The following RIF1 variants were observed in gnomAD, a reference collection of about 807,000 sequenced individuals.
The protein encoded by RIF1 is telomere-associated protein RIF1.
In RIF1, 45 loss-of-function variants were observed where a neutral mutation model predicts 247.1. The observed-to-expected ratio is 0.18, with a 90% confidence interval of 0.14 to 0.23. The LOEUF (loss-of-function observed/expected upper bound fraction) is 0.23, where lower values mean the gene tolerates loss of function less well. Ranked by LOEUF, RIF1 falls within the 10% of genes least tolerant of loss-of-function variation. The pLI, the probability that RIF1 is intolerant of heterozygous loss-of-function variation, is 1.00. For synonymous variants in RIF1, 1,087 were observed against 978.8 expected, an observed-to-expected ratio of 1.11 and a Z score of -2.06; for missense variants, 2,967 against 2,862.5, an observed-to-expected ratio of 1.04 and a Z score of -0.83.
intron 10 of RIF1, among the ~76,000 whole-genome samples, chr2:151,496,646 A>G (rs766381298): frequency 6.6e-6 from 1 of 152,118 alleles, no homozygotes; most frequent in Non-Finnish European, 1.5e-5. Flanking sequence ...GGTGCCTCCT[A>G]AACAATCACA....
At chr2:151,498,173 A>G (rs2061619297) in intron 10 of RIF1, 2 of 1,544,232 alleles carry the variant, frequency 1.3e-6, no homozygotes, top group Middle Eastern at 2.0e-4. Context: ...AAGAAGGGAA[A>G]TGGGCTTCAA....
At position 151,428,817 on chromosome 2, in the gene RIF1, C is replaced by G. The variant is rs775316857; in HGVS notation, c.820C>G (p.Leu274Val). Reference protein sequence around the residue: ...LHRSGSFINSLLQLEELGFRS... With the variant: ...LHRSGSFINSVLQLEELGFRS... ...TCGAAGTGGGAGTTTCATCAATTCTCTCTTGCAACTAGAAGAACTTGGATT... is the reference window on the plus strand; with the variant it reads ...TCGAAGTGGGAGTTTCATCAATTCTGTCTTGCAACTAGAAGAACTTGGATT... The change falls in exon 9 of 36, where the codon CTC becomes GTC. Residue 274 changes from leucine to valine, a missense_variant. This residue lies in a region of RIF1 where 71 missense variants were observed against 132.9 expected (regional missense o/e 0.53). Coordinates refer to ENST00000444746, the MANE Select transcript of RIF1 (RefSeq NM_018151.5). 12 of 1,600,464 alleles carry G rather than the reference C, an allele frequency of 7.5e-6. No individual in the cohort carries two copies. In the Admixed American group the frequency reaches 8.3e-5, roughly 11 times the overall value.
At chr2:151,451,844 G>T in intron 21 of RIF1, 139 bp downstream of exon 21, 1 of 556,944 alleles carries the variant, frequency 1.8e-6, no homozygotes, top group Non-Finnish European at 3.3e-6. Context: ...TACTATGCTA[G>T]GAGCTTTCAT....
chr2:151,413,637 A>T (rs1686670172), intron 3 of RIF1, among the ~76,000 whole-genome samples: 1 of 152,180 alleles, frequency 6.6e-6, no homozygotes, highest in African/African-American at 2.4e-5. Flanking sequence ...TATCCAGGAG[A>T]TACACTAGTA....
the RIF1 span, among the ~76,000 whole-genome samples, chr2:151,531,594 G>A: frequency 1.3e-5 from 2 of 152,170 alleles, no homozygotes; most frequent in African/African-American, 2.4e-5. Flanking sequence ...TGGAATTACA[G>A]GCATAAGCCA....
intron 10 of RIF1, chr2:151,498,124 A>T (rs1052753805): frequency 6.6e-7 from 1 of 1,511,716 alleles, no homozygotes; most frequent in Non-Finnish European, 8.9e-7. Context: ...TAGAAATGGG[A>T]AAGTATATCC....
In RIF1 at chr2:151,465,404, A is replaced by G. The variant is rs1302622987; in HGVS notation, c.5884A>G (p.Lys1962Glu). The change falls in exon 30 of 36, where the codon AAA becomes GAA. Residue 1962 changes from lysine to glutamate, a missense_variant. Lys to Glu is a moderately conservative substitution (Grantham distance 56). Coordinates refer to ENST00000444746, the MANE Select transcript of RIF1 (RefSeq NM_018151.5). ...AGCAGACACAGCTAAACTGAATGCC[A>G]AAGAAGTAGCAACTGAGGAATTTAA... ...SEADTAKLNA[K>E]EVATEEFNSD... 3 of 1,613,740 alleles carry G rather than the reference A, an allele frequency of 1.9e-6. No individual in the cohort carries two copies. The highest frequency in any genetic ancestry group is 2.5e-6 in the Non-Finnish European group (3 of 1,179,840).
At chr2:151,435,864 A>C (rs1691096080) in intron 11 of RIF1, among the ~76,000 whole-genome samples, 2 of 151,838 alleles carry the variant, frequency 1.3e-5, no homozygotes, top group South Asian at 4.2e-4. Flanking sequence ...GGTGCCTTGC[A>C]AAAAAAGCCT....
chr2:151,461,050 GGT>G lies in RIF1; in HGVS notation c.3076-85_3076-84del, dbSNP rs1473454890. 3.8e-5 allele frequency: 45 copies of G among 1,173,774 alleles called. No individual in the cohort carries two copies. The Admixed American group carries it at 9.9e-4, about 26-fold the overall frequency. The allele number at this position is 1,173,774 out of a possible 1,614,324, so 72.7% of individuals were successfully genotyped here. A position where few individuals can be genotyped will look rare whatever the true frequency, so the allele number is the denominator to read the frequency against. ...ACTTTCATAATCACTATTGAAAAAT[GGT>G]GTCATTATTAGAGGAGAGTGATAGA... On this transcript the variant is annotated intron_variant, in intron 26 of 35. Coordinates refer to ENST00000444746, the MANE Select transcript of RIF1 (RefSeq NM_018151.5).
At chr2:151,499,541 G>C in intron 11 of RIF1, 3 of 525,118 alleles carry the variant, frequency 5.7e-6, no homozygotes, top group Non-Finnish European at 1.0e-5. Context: ...ACAGATCTGG[G>C]TGAGAACATG....
chr2:151,456,174 A>G (rs1323671608), intron 22 of RIF1, among the ~76,000 whole-genome samples: 1 of 152,240 alleles, frequency 6.6e-6, no homozygotes, highest in Non-Finnish European at 1.5e-5. Context: ...TGTGTGGTTC[A>G]TTCAGAAGAC....
rs767575170 is a variant in RIF1 at position 151,464,537 on chromosome 2, A to G, written c.5017A>G (p.Asn1673Asp). 10 of 1,611,804 alleles carry G rather than the reference A, an allele frequency of 6.2e-6. No homozygotes were observed. The African/African-American group carries it at 1.2e-4, about 19-fold the overall frequency. ...TACAAGTCTACCTGTGCCAGAATCA[A>G]ATCTAAGGACTAGAAATGCCATTAA... is the stretch of plus-strand genomic sequence containing the variant. ...SFTSLPVPES[N>D]LRTRNAIKRL... The change falls in exon 30 of 36, where the codon AAT becomes GAT. Residue 1673 changes from asparagine (N) to aspartate (D), a missense_variant. By Grantham distance (23) the Asn-to-Asp change is conservative. Transcript: ENST00000444746.
chr2:151,443,142 A>G, intron 16 of RIF1, 117 bp from the exon 17 acceptor site: 1 of 671,108 alleles, frequency 1.5e-6, no homozygotes, highest in East Asian at 2.8e-5. Flanking sequence ...TACCCTAAGT[A>G]ATGCCAAAAG....
downstream of RIF1, chr2:151,508,178 AG>A: frequency 9.6e-7 from 1 of 1,040,698 alleles, no homozygotes; most frequent in Non-Finnish European, 1.4e-6. Flanking sequence ...GACCTAAAAT[AG>A]GCTATTTTAG....
chr2:151,493,327 T>C, intron 9 of RIF1: 1 of 1,525,716 alleles, frequency 6.6e-7, no homozygotes, highest in Non-Finnish European at 9.1e-7. Context: ...GTTGTTGCAC[T>C]ATTTCTTTTT....
rs534898649 is a variant in RIF1, at chr2:151,493,342, C to T, written c.*416-1887C>T. ...GTTGTTGCACTATTTCTTTTTAGTC[C>T]TAGAAAATACCGAGCTAATGTTTTC... On this transcript the variant is annotated intron_variant and NMD_transcript_variant, in intron 9 of 13. Transcript: ENST00000454583. 3.6e-5 allele frequency: 57 copies of T among 1,591,440 alleles called. No homozygotes were observed. The South Asian group carries it at 5.7e-4, about 16-fold the overall frequency.
the RIF1 span, chr2:151,529,183 A>G: frequency 3.4e-6 from 5 of 1,473,354 alleles, no homozygotes; most frequent in Non-Finnish European, 4.8e-6. Context: ...ATCCCCCACC[A>G]TGCTTGGGGA....
At chr2:151,470,086 C>T (rs1697565341) in intron 34 of RIF1, among the ~76,000 whole-genome samples, 1 of 152,070 alleles carries the variant, frequency 6.6e-6, no homozygotes, top group East Asian at 1.9e-4. Flanking sequence ...GTATTTGATT[C>T]CATGGCTGCT....
chr2:151,513,763 A>G, the RIF1 span: 3 of 1,084,336 alleles, frequency 2.8e-6, no homozygotes, highest in East Asian at 5.2e-5. Flanking sequence ...ATACAGGGTG[A>G]ATGTAAATCC....
Sources: allele counts gnomAD v4.1 joint callset (sites outside exome capture counted in the v4.1 genomes callset), GRCh38; gene constraint gnomAD v4.1.1; regional missense constraint gnomAD v4.1.1; transcripts MANE v1.5; gene names NCBI Gene and HGNC (gene_info 2026-07-23, HGNC 2026-07-21).